NBEA: variants seen among roughly 807,000 people sequenced by gnomAD.
The protein encoded by NBEA is lysosomal-trafficking regulator 2.
In NBEA, 44 loss-of-function variants were observed where a neutral mutation model predicts 343.4. That is an observed-to-expected ratio of 0.13 (90% CI 0.10 to 0.16). NBEA has a LOEUF of 0.16. Among genes scored for constraint, NBEA ranks in the 10% least tolerant of loss-of-function variants. NBEA has a pLI of 1.00. For synonymous variants in NBEA, 1,175 were observed against 1,238.7 expected (o/e 0.95, Z 1.08); for missense variants, 2,555 against 3,631.3 (o/e 0.70, Z 7.62).
intron 38 of NBEA, among the ~76,000 whole-genome samples, chr13:35,356,112 G>A (rs2152869380): frequency 6.6e-6 from 1 of 152,198 alleles, no homozygotes; most frequent in Non-Finnish European, 1.5e-5. Flanking sequence ...AACACTTGGT[G>A]TATGCCCTTT....
intron 1 of NBEA, among the ~76,000 whole-genome samples, chr13:34,946,904 T>A (rs2059202305): frequency 6.6e-6 from 1 of 151,534 alleles, no homozygotes; most frequent in Non-Finnish European, 1.5e-5. Context: ...AGAGTTTTTT[T>A]AAATTTGCAG....
At chr13:35,585,009 CT>C (rs199746426) in intron 46 of NBEA, among the ~76,000 whole-genome samples, 1 of 151,220 alleles carries the variant, frequency 6.6e-6, no homozygotes, top group Non-Finnish European at 1.5e-5. Context: ...CTCTCCCCCC[CT>C]CCCTCATTCT....
At chr13:35,451,308 A>G (rs768319103) in intron 39 of NBEA, among the ~76,000 whole-genome samples, 1 of 152,080 alleles carries the variant, frequency 6.6e-6, no homozygotes, top group African/African-American at 2.4e-5. Context: ...CGTTTTTAGT[A>G]GAGACGGGGT....
chr13:35,084,222 G>A (rs1046894348), intron 10 of NBEA, among the ~76,000 whole-genome samples: 9 of 152,042 alleles, frequency 5.9e-5, no homozygotes, highest in South Asian at 2.1e-4. Context: ...TGCACCAAGC[G>A]GACCTAATAG....
At chr13:35,560,664 G>A (rs1030254041) in intron 44 of NBEA, among the ~76,000 whole-genome samples, 3 of 152,158 alleles carry the variant, frequency 2.0e-5, no homozygotes, top group Non-Finnish European at 4.4e-5. Flanking sequence ...AGGGTGCCTG[G>A]GGCTGGGGTA....
chr13:35,274,467 C>A (rs2034430273), intron 34 of NBEA, among the ~76,000 whole-genome samples: 1 of 152,146 alleles, frequency 6.6e-6, no homozygotes, highest in Non-Finnish European at 1.5e-5. Flanking sequence ...ACAAGGATGC[C>A]CTCTCTCACC....
At chr13:35,349,257 T>C in intron 37 of NBEA, 41 bp downstream of exon 37, 1 of 1,249,422 alleles carries the variant, frequency 8.0e-7, no homozygotes, top group South Asian at 1.4e-5. Context: ...CTTTCTATTA[T>C]AAGCCAAAAA....
At position 35,111,367 on chromosome 13, in the gene NBEA, T is replaced by A. The variant is rs530736001; in HGVS notation, c.2002+389T>A. 2.2e-3 allele frequency among the ~76,000 whole-genome samples: 327 copies of A among 152,084 alleles called. 1 individual carries two copies. Among genetic ancestry groups the A allele is most frequent in the Non-Finnish European group, 3.7e-3 (249 of 67,948 alleles). ...TTCCAAATTTATCCTTTGTTCTGAC[T>A]ATAATGGAAACTAATTCTTCACTGT... On this transcript the variant is annotated intron_variant, in intron 13 of 58. Coordinates refer to ENST00000379939, the MANE Select transcript of NBEA (RefSeq NM_001385012.1).
chr13:35,406,800 T>C (rs1566086036), intron 38 of NBEA, among the ~76,000 whole-genome samples: 1 of 152,142 alleles, frequency 6.6e-6, no homozygotes, highest in South Asian at 2.1e-4. Context: ...GTTCCTCTTC[T>C]TTTAGCTGAA....
intron 48 of NBEA, among the ~76,000 whole-genome samples, chr13:35,622,089 G>C (rs1267490228): frequency 6.6e-6 from 1 of 152,194 alleles, no homozygotes; most frequent in African/African-American, 2.4e-5. Context: ...TGAGAACACA[G>C]GAAGCAAACA....
At chr13:35,024,493 G>A (rs578042025) in intron 1 of NBEA, among the ~76,000 whole-genome samples, 13 of 151,702 alleles carry the variant, frequency 8.6e-5, no homozygotes, top group Middle Eastern at 3.4e-3. Context: ...CCAACCTGGC[G>A]AAACTTTGTC....
At chr13:35,465,566 C>A (rs969211845) in intron 40 of NBEA, among the ~76,000 whole-genome samples, 3 of 152,118 alleles carry the variant, frequency 2.0e-5, no homozygotes, top group Non-Finnish European at 4.4e-5. Context: ...GTAAAAGAGT[C>A]AATACTCTTC....
intron 7 of NBEA, 80 bp downstream of exon 7, chr13:35,056,209 A>C: frequency 1.7e-6 from 2 of 1,175,284 alleles, no homozygotes; most frequent in South Asian, 6.8e-5. Context: ...AAATAATAAA[A>C]TAGTTTGGTA....
chr13:35,440,030 C>T (rs2045650444), intron 39 of NBEA, among the ~76,000 whole-genome samples: 1 of 152,174 alleles, frequency 6.6e-6, no homozygotes, highest in African/African-American at 2.4e-5. Context: ...CAGGCATGCG[C>T]CACCACGCGC....
chr13:35,527,621 A>C (rs755668377), intron 41 of NBEA, among the ~76,000 whole-genome samples: 1 of 152,226 alleles, frequency 6.6e-6, no homozygotes, highest in Non-Finnish European at 1.5e-5. Context: ...GGGTCACAGC[A>C]GTGCCCAGGC....
intron 1 of NBEA, among the ~76,000 whole-genome samples, chr13:34,971,819 CTT>C (rs527325078): frequency 1.2e-4 from 17 of 137,756 alleles, no homozygotes; most frequent in African/African-American, 1.3e-4. Context: ...TTTTTCTTTT[CTT>C]TTTTTTTTTT....
intron 41 of NBEA, among the ~76,000 whole-genome samples, chr13:35,493,925 AT>A (rs1256863518): frequency 1.3e-5 from 2 of 151,876 alleles, no homozygotes; most frequent in Non-Finnish European, 2.9e-5. Flanking sequence ...CTGTGAATTT[AT>A]TCTTCAAAGG....
chr13:35,583,012 A>T (rs762482509), intron 45 of NBEA, among the ~76,000 whole-genome samples: 4 of 152,218 alleles, frequency 2.6e-5, no homozygotes, highest in Admixed American at 6.5e-5. Context: ...CTCTGTAAAC[A>T]TACTTAATTT....
intron 41 of NBEA, among the ~76,000 whole-genome samples, chr13:35,490,222 G>A (rs1210350667): frequency 6.6e-6 from 1 of 151,940 alleles, no homozygotes; most frequent in East Asian, 1.9e-4. Context: ...CTTCAGCTAA[G>A]TAGTTTTATA....
Sources: allele counts gnomAD v4.1 joint callset (sites outside exome capture counted in the v4.1 genomes callset), GRCh38; gene constraint gnomAD v4.1.1; transcripts MANE v1.5; gene names NCBI Gene and HGNC (gene_info 2026-07-23, HGNC 2026-07-21).